Variants in ANKRD36B observed in about 807,000 individuals in gnomAD.
ANKRD36B encodes the protein ankyrin repeat domain-containing protein 36B.
In ANKRD36B, 37 loss-of-function variants were observed where a neutral mutation model predicts 135.7. That is an observed-to-expected ratio of 0.27 (90% CI 0.21 to 0.36). The LOEUF (loss-of-function observed/expected upper bound fraction) is 0.36, where lower values mean the gene tolerates loss of function less well. Among genes scored for constraint, ANKRD36B ranks in the 10% least tolerant of loss-of-function variants. The pLI is 1.00. For synonymous variants in ANKRD36B, 179 were observed against 348.1 expected (o/e 0.51, Z 5.41); for missense variants, 549 against 1,037.1 (o/e 0.53, Z 6.46).
intron 6 of ANKRD36B, among the ~76,000 whole-genome samples, chr2:97,561,979 T>C (rs2081065962): frequency 1.5e-5 from 2 of 132,382 alleles, no homozygotes; most frequent in African/African-American, 5.2e-5. Context: ...CATGCAAATA[T>C]TCTAAATGCA....
At chr2:97,562,406 C>T (rs765919439) in intron 6 of ANKRD36B, among the ~76,000 whole-genome samples, 3 of 151,870 alleles carry the variant, frequency 2.0e-5, no homozygotes, top group Admixed American at 1.3e-4. Flanking sequence ...TCAGCAAACA[C>T]AGCTTTCCAA....
At position 97,496,839 on chromosome 2, in the gene ANKRD36B, A is replaced by G. The variant is rs867100493; in HGVS notation, c.*7-3984T>C. On this transcript the variant is annotated intron_variant, in intron 43 of 43. Transcript: ENST00000359901. The stretch of plus-strand genomic sequence containing the variant: ...TGTATGTATATATGTGTGTGTATAT[A>G]TATATATATATATATATATATCTTT... Among the ~76,000 whole-genome samples the G allele has an allele frequency of 2.4e-3, 164 of 68,348 alleles. 46 individuals are homozygous for G. Among genetic ancestry groups the G allele is most frequent in the African/African-American group, 0.011 (151 of 14,310 alleles). The allele number at this position is 68,348 out of a possible 152,430, so 44.8% of individuals were successfully genotyped here.
Position 97,589,586 on chromosome 2 carries a change from C to T in ANKRD36B, c.100G>A (p.Glu34Lys), listed in dbSNP as rs779463456. 4 of 1,613,702 alleles carry T rather than the reference C, an allele frequency of 2.5e-6. No individual in the cohort carries two copies. Among genetic ancestry groups the T allele is most frequent in the Non-Finnish European group, 3.4e-6 (4 of 1,179,806 alleles). The stretch of plus-strand genomic sequence containing the variant: ...GTGAGCAGAAGGTACTTCAGTTTCT[C>T]CAGATTACCACGTAAGACAGCTCTG... ...IHRAVLRGNL[E>K]KLKYLLLTYY... Residue 34 changes from glutamate to lysine, a missense_variant, in exon 1 of 44, where the codon GAG becomes AAG. By Grantham distance (56) the Glu-to-Lys change is moderately conservative (BLOSUM62 1). Transcript: ENST00000359901.
At chr2:97,571,176 T>C (rs2081831318) in intron 6 of ANKRD36B, among the ~76,000 whole-genome samples, 2 of 152,222 alleles carry the variant, frequency 1.3e-5, no homozygotes, top group Non-Finnish European at 2.9e-5. Flanking sequence ...CCAAGGTTTC[T>C]TTTATAATAA....
chr2:97,573,238 T>G (rs994800424), intron 6 of ANKRD36B, among the ~76,000 whole-genome samples: 1 of 152,204 alleles, frequency 6.6e-6, no homozygotes, highest in African/African-American at 2.4e-5. Flanking sequence ...ACAAAGGACA[T>G]GAACTCATCA....
chr2:97,589,713 G>A lies in ANKRD36B; in HGVS notation c.-28C>T. 2 of 1,613,810 alleles carry A rather than the reference G, an allele frequency of 1.2e-6. No individual in the cohort carries two copies. The highest frequency in any genetic ancestry group is 1.7e-6 in the Non-Finnish European group (2 of 1,179,974). Reference sequence around the variant, plus strand: ...GGGTGGGCCACCTCTCCCGCTCGTCGTCTTCCTTAATCGTCGGCTGCAAAT... The same window carrying A: ...GGGTGGGCCACCTCTCCCGCTCGTCATCTTCCTTAATCGTCGGCTGCAAAT... On this transcript the variant is annotated 5_prime_UTR_variant, in exon 1 of 44. It adds an upstream start codon to the 5' untranslated region. Transcript: ENST00000359901.
At position 97,545,858 on chromosome 2, in the gene ANKRD36B, G is replaced by A. The variant is rs2079409614; in HGVS notation, c.1583C>T (p.Ser528Phe). ...CTTCAAGGATGGTTGTTTATGAGAA[G>A]ACACTGAAAAGCAAAAGGGATACAT... Reference protein sequence around the residue: ...KKDGEKTRRVSSHKQPSLKAT... With the variant: ...KKDGEKTRRVFSHKQPSLKAT... The change falls in exon 23 of 44, where the codon TCT becomes TTT. Residue 528 changes from serine (S) to phenylalanine (F), a missense_variant. Transcript: ENST00000359901. 2 of 956,782 alleles carry A rather than the reference G, an allele frequency of 2.1e-6. No homozygotes were observed. Among genetic ancestry groups the A allele is most frequent in the Admixed American group, 2.1e-5 (1 of 48,374 alleles). The allele number at this position is 956,782 out of a possible 1,614,324, so 59.3% of individuals were successfully genotyped here.
At chr2:97,575,358 T>G (rs896719759) in intron 6 of ANKRD36B, among the ~76,000 whole-genome samples, 9 of 151,904 alleles carry the variant, frequency 5.9e-5, no homozygotes, top group African/African-American at 2.2e-4. Context: ...AACCTCAGAT[T>G]TGGAGGGAAG....
At chr2:97,527,688 C>G (rs2078296583) in intron 35 of ANKRD36B, among the ~76,000 whole-genome samples, 1 of 94,250 alleles carries the variant, frequency 1.1e-5, no homozygotes, top group African/African-American at 3.2e-5. Context: ...CACATAGGTT[C>G]AAAATAAAAG....
chr2:97,510,886 T>C (rs1161159102), intron 39 of ANKRD36B, among the ~76,000 whole-genome samples: 1 of 151,944 alleles, frequency 6.6e-6, no homozygotes, highest in South Asian at 2.1e-4. Flanking sequence ...TAAGACTACA[T>C]TATTAATGTT....
In ANKRD36B at chr2:97,541,879, G is replaced by A. The variant is rs752182803; in HGVS notation, c.1885+32C>T. On this transcript the variant is annotated intron_variant, in intron 28 of 43. Coordinates refer to ENST00000359901, the MANE Select transcript of ANKRD36B (RefSeq NM_001393939.1). ...AAGTGAATTTCTCTTCTATTTGATCGAACATTACATTAAAGGTGTATTCCA... is the reference window on the plus strand; with the variant it reads ...AAGTGAATTTCTCTTCTATTTGATCAAACATTACATTAAAGGTGTATTCCA... 38 of 896,950 alleles carry A rather than the reference G, an allele frequency of 4.2e-5. 7 individuals carry two copies. In the South Asian group the frequency reaches 4.7e-4, roughly 11 times the overall value. 55.6% of individuals were successfully genotyped at this position (896,950 alleles called of 1,614,324 possible).
chr2:97,579,059 G>A lies in ANKRD36B; in HGVS notation c.558-16C>T, dbSNP rs775252225. The A allele has an allele frequency of 9.5e-6, 15 of 1,579,764 alleles. No homozygotes were observed. In the Middle Eastern group the frequency reaches 5.0e-4, roughly 53 times the overall value. On this transcript the variant is annotated splice_polypyrimidine_tract_variant and intron_variant, in intron 4 of 43. Transcript: ENST00000359901. ...GAGGGCTGATCTAAAATAACAGAGA[G>A]GTAATTAAAAACTTTAATGACATTT...
chr2:97,571,907 T>C (rs2081904343), intron 6 of ANKRD36B, among the ~76,000 whole-genome samples: 2 of 152,154 alleles, frequency 1.3e-5, no homozygotes, highest in African/African-American at 4.8e-5. Flanking sequence ...GGATGAGTTA[T>C]CCACTTCTCC....
Position 97,589,697 on chromosome 2 carries a change from A to G in ANKRD36B, c.-12T>C. 6.2e-7 allele frequency: 1 copy of G among 1,613,908 alleles called. No individual in the cohort carries two copies. The highest frequency in any genetic ancestry group is 8.5e-7 in the Non-Finnish European group (1 of 1,179,968). ...CACAAGCGCTCCATGAGGGTGGGCCACCTCTCCCGCTCGTCGTCTTCCTTA... is the reference window on the plus strand; with the variant it reads ...CACAAGCGCTCCATGAGGGTGGGCCGCCTCTCCCGCTCGTCGTCTTCCTTA... On this transcript the variant is annotated 5_prime_UTR_variant, in exon 1 of 44. Transcript: ENST00000359901.
chr2:97,589,400 A>AC, intron 1 of ANKRD36B, 125 bp downstream of exon 1: 1 of 204,656 alleles, frequency 4.9e-6, no homozygotes, highest in Non-Finnish European at 8.0e-6. Flanking sequence ...CCAGCCAGGC[A>AC]CCCCCTAGCC....
intron 14 of ANKRD36B, among the ~76,000 whole-genome samples, chr2:97,553,896 T>C (rs1012259016): frequency 2.6e-5 from 4 of 152,012 alleles, no homozygotes; most frequent in African/African-American, 7.2e-5. Context: ...GTGTCCTAAA[T>C]TGATCAGCTT....
chr2:97,555,755 G>A (rs2080464899), intron 12 of ANKRD36B, among the ~76,000 whole-genome samples: 1 of 151,878 alleles, frequency 6.6e-6, no homozygotes, highest in Non-Finnish European at 1.5e-5. Context: ...TCTCTTAAGT[G>A]GAAGGGACCT....
intron 35 of ANKRD36B, among the ~76,000 whole-genome samples, chr2:97,529,189 A>G (rs1179374268): frequency 1.1e-5 from 1 of 94,986 alleles, no homozygotes; most frequent in African/African-American, 3.2e-5. Context: ...GCAGCACATC[A>G]AAAAGCTTAT....
intron 6 of ANKRD36B, among the ~76,000 whole-genome samples, chr2:97,562,069 T>C (rs1285786580): frequency 6.6e-6 from 1 of 151,960 alleles, no homozygotes; most frequent in Admixed American, 6.6e-5. Flanking sequence ...CCTGATGTTT[T>C]TACATTTCCT....
Sources: allele counts gnomAD v4.1 joint callset (sites outside exome capture counted in the v4.1 genomes callset), GRCh38; gene constraint gnomAD v4.1.1; transcripts MANE v1.5; gene names NCBI Gene and HGNC (gene_info 2026-07-23, HGNC 2026-07-21).